ARHGAP21: variants seen among roughly 807,000 people sequenced by gnomAD.
ARHGAP21 encodes the protein Rho GTPase activating protein 21, also known as rho GTPase-activating protein 21.
A neutral mutation model predicts 164.6 loss-of-function variants in ARHGAP21; 38 were observed. That is an observed-to-expected ratio of 0.23 (90% CI 0.18 to 0.30). The LOEUF is 0.30. Ranked by LOEUF, ARHGAP21 falls within the 10% of genes least tolerant of loss-of-function variation. The pLI, the probability that ARHGAP21 is intolerant of heterozygous loss-of-function variation, is 1.00. For synonymous variants in ARHGAP21, 766 were observed against 857.9 expected (o/e 0.89, Z 1.87); for missense variants, 1,822 against 2,370.7 (o/e 0.77, Z 4.81).
chr10:24,682,493 T>C (rs1322646612), intron 2 of ARHGAP21, among the ~76,000 whole-genome samples: 1 of 152,244 alleles, frequency 6.6e-6, no homozygotes, highest in East Asian at 1.9e-4. Context: ...TGTAAATTAT[T>C]CCTCACATAG....
chr10:24,618,430 A>G (rs1834201651), intron 9 of ARHGAP21, among the ~76,000 whole-genome samples: 1 of 152,206 alleles, frequency 6.6e-6, no homozygotes, highest in South Asian at 2.1e-4. Context: ...ACGAAGATAA[A>G]TAAAAAAGCT....
intron 2 of ARHGAP21, among the ~76,000 whole-genome samples, chr10:24,704,831 C>T (rs1844072998): frequency 6.6e-6 from 1 of 152,098 alleles, no homozygotes; most frequent in Non-Finnish European, 1.5e-5. Flanking sequence ...CTCTCGAACT[C>T]CTGGGCTCAA....
intron 4 of ARHGAP21, among the ~76,000 whole-genome samples, chr10:24,654,727 T>G (rs1328639898): frequency 6.6e-6 from 1 of 152,152 alleles, no homozygotes; most frequent in African/African-American, 2.4e-5. Context: ...GCCATCCCCA[T>G]CAAACTAACA....
At chr10:24,681,821 A>AATCT (rs1841786380) in intron 2 of ARHGAP21, among the ~76,000 whole-genome samples, 1 of 152,130 alleles carries the variant, frequency 6.6e-6, no homozygotes, top group Non-Finnish European at 1.5e-5. Flanking sequence ...TGTTGTATAT[A>AATCT]AACTGTTGGA....
At position 24,621,154 on chromosome 10, in the gene ARHGAP21, T is replaced by C. The variant is rs759177671; in HGVS notation, c.741A>G (p.Glu247=). The change falls in exon 9 of 26, where the codon GAA becomes GAG. Residue 247 remains glutamate (E), a synonymous_variant. Coordinates refer to ENST00000396432, the MANE Select transcript of ARHGAP21 (RefSeq NM_020824.4). ...CTGTTGGTGATGGAGGCACTTGTAT[T>C]TCCATTCTATAGGCCCTACCAGGTT... ...LTQPGRAYRM[E]IQVPPSPTDV... is the part of the protein sequence containing the mutation. 1 of 1,613,664 alleles carries C rather than the reference T, an allele frequency of 6.2e-7. No individual in the cohort carries two copies. Among genetic ancestry groups the C allele is most frequent in the Non-Finnish European group, 8.5e-7 (1 of 1,179,718 alleles).
In ARHGAP21 at chr10:24,606,831, A is replaced by G. The variant is rs144928744; in HGVS notation, c.2684+668T>C. Among the ~76,000 whole-genome samples, 232 of 152,258 alleles carry G rather than the reference A, an allele frequency of 1.5e-3. 5 individuals carry two copies. The East Asian group carries it at 0.038, about 25-fold the overall frequency. On this transcript the variant is annotated intron_variant, in intron 11 of 25. Transcript: ENST00000396432. Reference sequence around the variant, plus strand: ...ACTCCAGCCTGGGCAACAAGAGCAAAATGTCTCAAAAATAAATAAATTTTT... The same window carrying G: ...ACTCCAGCCTGGGCAACAAGAGCAAGATGTCTCAAAAATAAATAAATTTTT...
At chr10:24,674,446 G>C (rs1039506757) in intron 2 of ARHGAP21, among the ~76,000 whole-genome samples, 16 of 152,004 alleles carry the variant, frequency 1.1e-4, no homozygotes, top group Non-Finnish European at 1.8e-4. Flanking sequence ...GCTTGAACCA[G>C]GGAGGCGGAG....
chr10:24,620,563 A>G lies in ARHGAP21; in HGVS notation c.1332T>C (p.His444=), dbSNP rs780547805. The change falls in exon 9 of 26, where the codon CAT becomes CAC. Residue 444 remains histidine (H), a synonymous_variant. Transcript: ENST00000396432. The stretch of plus-strand genomic sequence containing the variant: ...TCTGGACAGACTGGGGCACTCGATC[A>G]TGAGAGGTGCTTCGACGTCGTCCCT... ...TLQGRRRSTS[H]DRVPQSVQIR... is the part of the protein sequence containing the mutation. The G allele has an allele frequency of 5.0e-6, 8 of 1,614,176 alleles. No homozygotes were observed. The highest frequency in any genetic ancestry group is 2.2e-5 in the South Asian group (2 of 91,082).
At chr10:24,671,524 T>C (rs1304819677) in intron 2 of ARHGAP21, among the ~76,000 whole-genome samples, 6 of 152,070 alleles carry the variant, frequency 3.9e-5, no homozygotes, top group Non-Finnish European at 8.8e-5. Flanking sequence ...TTCCCCTGCC[T>C]TCCCTTCTGC....
chr10:24,676,429 C>T (rs1841253357), intron 2 of ARHGAP21, among the ~76,000 whole-genome samples: 1 of 152,126 alleles, frequency 6.6e-6, no homozygotes, highest in Non-Finnish European at 1.5e-5. Flanking sequence ...TCCAGTTTAG[C>T]ATTGTGGTTC....
At chr10:24,693,596 G>A (rs34771685) in intron 2 of ARHGAP21, among the ~76,000 whole-genome samples, 32,732 of 151,784 alleles carry the variant, frequency 0.22, 4,539 homozygotes, top group Non-Finnish European at 0.29. Context: ...CAGGTGATCC[G>A]CCCGCCTCAG....
Position 24,600,748 on chromosome 10 carries a change from T to G in ARHGAP21, c.3030A>C (p.Arg1010=), listed in dbSNP as rs753682650. 2.3e-5 allele frequency: 37 copies of G among 1,613,766 alleles called. No homozygotes were observed. Among genetic ancestry groups the G allele is most frequent in the Non-Finnish European group, 3.1e-5 (37 of 1,179,862 alleles). ...GGCATTCACAGTCGGACGTGGTGAG[T>G]CGAAACACATTTTTCCTCTTGGTCT... ...YSETKRKNVF[R]LTTSDCECLF... The change falls in exon 14 of 26, where the codon CGA becomes CGC. Residue 1010 remains arginine, a synonymous_variant. Coordinates refer to ENST00000396432, the MANE Select transcript of ARHGAP21 (RefSeq NM_020824.4).
At chr10:24,688,181 A>T (rs1427349145) in intron 2 of ARHGAP21, among the ~76,000 whole-genome samples, 1 of 152,194 alleles carries the variant, frequency 6.6e-6, no homozygotes, top group Non-Finnish European at 1.5e-5. Flanking sequence ...ACCTGAGGTC[A>T]GAAGTTCGAG....
chr10:24,691,136 G>C (rs1006742232), intron 2 of ARHGAP21, among the ~76,000 whole-genome samples: 3 of 152,186 alleles, frequency 2.0e-5, no homozygotes, highest in African/African-American at 7.2e-5. Flanking sequence ...TGGGGTAGCA[G>C]ACCCCTTAGA....
intron 2 of ARHGAP21, among the ~76,000 whole-genome samples, chr10:24,690,857 CAT>C (rs1220183578): frequency 1.6e-4 from 24 of 150,124 alleles, no homozygotes; most frequent in Admixed American, 8.0e-4. Context: ...TATATATACA[CAT>C]ATATATATAC....
Position 24,585,161 on chromosome 10 carries a change from T to G in ARHGAP21, c.5128A>C (p.Arg1710=), listed in dbSNP as rs1371000440. 4 of 1,611,258 alleles carry G rather than the reference T, an allele frequency of 2.5e-6. No homozygotes were observed. The highest frequency in any genetic ancestry group is 3.4e-6 in the Non-Finnish European group (4 of 1,179,404). Residue 1710 remains arginine (R), a synonymous_variant, in exon 26 of 26, where the codon AGA becomes CGA. Coordinates refer to ENST00000396432, the MANE Select transcript of ARHGAP21 (RefSeq NM_020824.4). The stretch of plus-strand genomic sequence containing the variant: ...AGACTTCCACTATCTGACTTGAATC[T>G]AGCTGATTTTTTCCTGGAAAGAGTA... ...CDTLSRKKSA[R]FKSDSGSLGD... is the part of the protein sequence containing the mutation.
chr10:24,721,436 C>A (rs1845922054), intron 2 of ARHGAP21, among the ~76,000 whole-genome samples: 1 of 152,212 alleles, frequency 6.6e-6, no homozygotes, highest in Non-Finnish European at 1.5e-5. Context: ...CCTCTCTGCA[C>A]CTTGGAGCAG....
Position 24,595,108 on chromosome 10 carries a change from A to G in ARHGAP21, c.3786+9T>C, listed in dbSNP as rs1373951818. 6.2e-7 allele frequency: 1 copy of G among 1,607,006 alleles called. No homozygotes were observed. Among genetic ancestry groups the G allele is most frequent in the East Asian group, 2.3e-5 (1 of 42,998 alleles). On this transcript the variant is annotated intron_variant, in intron 20 of 25. Transcript: ENST00000396432. Reference sequence around the variant, plus strand: ...AGTTGTATCCCCCAAAATATAAAATAATACCTACTAGTCTTTTTAATGTTT... The same window carrying G: ...AGTTGTATCCCCCAAAATATAAAATGATACCTACTAGTCTTTTTAATGTTT...
At chr10:24,671,723 A>T (rs951848186) in intron 2 of ARHGAP21, among the ~76,000 whole-genome samples, 40 of 140,132 alleles carry the variant, frequency 2.9e-4, no homozygotes, top group African/African-American at 4.5e-4. Flanking sequence ...TCTTAACAAA[A>T]TTTTTTTTTT....
Sources: gnomAD v4.1 joint callset for allele counts (sites outside exome capture counted in the v4.1 genomes callset) on GRCh38, gnomAD v4.1.1 for gene constraint, MANE v1.5 for transcripts, NCBI Gene and HGNC (gene_info 2026-07-23, HGNC 2026-07-21) for gene names.